The following SYN3 variants were observed in gnomAD, a reference collection of about 807,000 sequenced individuals.
SYN3 encodes synapsin III, also known as synapsin-3.
A neutral mutation model predicts 65.8 loss-of-function variants in SYN3; 35 were observed. The observed-to-expected ratio is 0.53, with a 90% CI of 0.41 to 0.70. The LOEUF (loss-of-function observed/expected upper bound fraction) is 0.70, where lower values mean the gene tolerates loss of function less well. Ranked by LOEUF, SYN3 falls within the 30% of genes least tolerant of loss-of-function variation. The pLI, the probability that SYN3 is intolerant of heterozygous loss-of-function variation, is 0.00. For synonymous variants in SYN3, 270 were observed against 292.9 expected (o/e 0.92, Z 0.80); for missense variants, 680 against 749.0 (o/e 0.91, Z 1.08).
chr22:32,567,358 T>TTTCCTTCC lies in SYN3; in HGVS notation c.775-25653_775-25646dup, dbSNP rs3070481. The stretch of plus-strand genomic sequence containing the variant: ...CCTCCCTCCCTCCCTCCCTCCCTTC[T>TTTCCTTCC]TTCCTTCCTTCCTTCCTTCCTTCAC... On this transcript the variant is annotated intron_variant, in intron 7 of 13. Coordinates refer to ENST00000358763, the MANE Select transcript of SYN3 (RefSeq NM_003490.4). Among the ~76,000 whole-genome samples the TTTCCTTCC allele has an allele frequency of 1.1e-3, 121 of 108,190 alleles. 1 individual carries two copies. In the South Asian group the frequency reaches 0.012, roughly 11 times the overall value. The allele number at this position is 108,190 out of a possible 152,430, so 71.0% of individuals were successfully genotyped here.
intron 6 of SYN3, among the ~76,000 whole-genome samples, chr22:32,745,602 G>C (rs141815773): frequency 6.6e-6 from 1 of 152,178 alleles, no homozygotes; most frequent in Non-Finnish European, 1.5e-5. Context: ...GCCACTGCAC[G>C]GCCCTGGGTT....
At chr22:32,679,048 C>CTTTTTTTTTTTTTT (rs145971116) in intron 6 of SYN3, among the ~76,000 whole-genome samples, 33 of 85,658 alleles carry the variant, frequency 3.9e-4, no homozygotes, top group Non-Finnish European at 4.8e-4. Context: ...TTGTTTCTTT[C>CTTTTTTTTTTTTTT]TTTTTTTTTT....
At chr22:32,596,643 C>A (rs1270765910) in intron 7 of SYN3, 31 bp downstream of exon 7, 3 of 1,611,784 alleles carry the variant, frequency 1.9e-6, no homozygotes, top group Non-Finnish European at 2.5e-6. Flanking sequence ...CTGGGTGTGT[C>A]CACTGTGAGT....
At chr22:32,611,201 C>T (rs1337227687) in intron 6 of SYN3, among the ~76,000 whole-genome samples, 1 of 151,594 alleles carries the variant, frequency 6.6e-6, no homozygotes, top group Admixed American at 6.6e-5. Flanking sequence ...GTCTTGCATC[C>T]TGTGTGAAAC....
At chr22:32,942,286 A>G (rs2050964921) in intron 3 of SYN3, among the ~76,000 whole-genome samples, 1 of 152,204 alleles carries the variant, frequency 6.6e-6, no homozygotes, top group Non-Finnish European at 1.5e-5. Context: ...TTTGCTGTTC[A>G]GCAATATTCG....
At position 33,027,637 on chromosome 22, in the gene SYN3, C is replaced by CAAAGAG. The variant is rs150706198; in HGVS notation, c.-162-20814_-162-20813insCTCTTT. Among the ~76,000 whole-genome samples, 1,022 of 149,734 alleles carry CAAAGAG rather than the reference C, an allele frequency of 6.8e-3. 15 individuals carry two copies. The highest frequency in any genetic ancestry group is 0.024 in the African/African-American group (988 of 40,756). On this transcript the variant is annotated intron_variant, in intron 1 of 13. Transcript: ENST00000358763. ...AAAGAAGGAAAGACAGACAGACAGA[C>CAAAGAG]AGAGAGAGAGAGAGAAAGAAAAGAA...
At chr22:32,942,862 G>C (rs1303320494) in intron 3 of SYN3, among the ~76,000 whole-genome samples, 2 of 152,110 alleles carry the variant, frequency 1.3e-5, no homozygotes, top group Non-Finnish European at 2.9e-5. Flanking sequence ...AAGATCAAAT[G>C]AATGAAATGA....
intron 7 of SYN3, among the ~76,000 whole-genome samples, chr22:32,595,643 C>A (rs1349212856): frequency 6.6e-6 from 1 of 152,156 alleles, no homozygotes; most frequent in African/African-American, 2.4e-5. Flanking sequence ...TGGGTCCCCA[C>A]CCAAATCTCA....
intron 4 of SYN3, among the ~76,000 whole-genome samples, chr22:32,884,431 T>C (rs752365061): frequency 6.6e-6 from 1 of 152,214 alleles, no homozygotes; most frequent in Admixed American, 6.5e-5. Context: ...ATGGTAACAA[T>C]AACATGTACT....
chr22:33,039,005 T>G (rs1315863220), intron 1 of SYN3, among the ~76,000 whole-genome samples: 1 of 152,184 alleles, frequency 6.6e-6, no homozygotes, highest in Non-Finnish European at 1.5e-5. Flanking sequence ...CTTCAAGTCC[T>G]CCAGGGCTCA....
chr22:32,887,552 T>A (rs2049327742), intron 4 of SYN3, among the ~76,000 whole-genome samples: 1 of 152,096 alleles, frequency 6.6e-6, no homozygotes, highest in African/African-American at 2.4e-5. Context: ...CAGATGACAA[T>A]CTTGATGTCA....
chr22:32,879,680 C>T (rs926928953), intron 4 of SYN3, among the ~76,000 whole-genome samples: 1 of 152,228 alleles, frequency 6.6e-6, no homozygotes, highest in African/African-American at 2.4e-5. Flanking sequence ...CTGAGGAACA[C>T]AGGCATTCAG....
At chr22:32,971,636 G>A (rs1366485258) in intron 3 of SYN3, among the ~76,000 whole-genome samples, 1 of 152,170 alleles carries the variant, frequency 6.6e-6, no homozygotes, top group Non-Finnish European at 1.5e-5. Flanking sequence ...CAGAACTCAC[G>A]GGTCACGTAC....
intron 7 of SYN3, among the ~76,000 whole-genome samples, chr22:32,582,128 A>C (rs2058957225): frequency 6.6e-6 from 1 of 152,044 alleles, no homozygotes; most frequent in South Asian, 2.1e-4. Context: ...AGAATCTGGA[A>C]ATCAGGCTTC....
At chr22:32,544,878 G>A (rs2058313643) in intron 7 of SYN3, among the ~76,000 whole-genome samples, 1 of 152,210 alleles carries the variant, frequency 6.6e-6, no homozygotes, top group Non-Finnish European at 1.5e-5. Context: ...TGAGCACAGA[G>A]TGGGCTACCT....
chr22:32,510,835 G>C lies in SYN3; in HGVS notation c.*2857C>G, dbSNP rs373280028. ...AGGCTGGTATTCTGGTTCTTTCATC[G>C]TGTGACTTATACTAGTGATCCCTAT... On this transcript the variant is annotated 3_prime_UTR_variant, in exon 14 of 14. Coordinates refer to ENST00000358763, the MANE Select transcript of SYN3 (RefSeq NM_003490.4). 1.3e-5 allele frequency among the ~76,000 whole-genome samples: 2 copies of C among 152,062 alleles called. No individual in the cohort carries two copies. The highest frequency in any genetic ancestry group is 6.6e-5 in the Admixed American group (1 of 15,266).
At chr22:32,933,296 T>G (rs2050686299) in intron 3 of SYN3, among the ~76,000 whole-genome samples, 1 of 152,204 alleles carries the variant, frequency 6.6e-6, no homozygotes, top group Non-Finnish European at 1.5e-5. Context: ...ACATATGAAT[T>G]CATTTAATCC....
intron 12 of SYN3, among the ~76,000 whole-genome samples, chr22:32,523,097 T>A (rs1000957457): frequency 6.6e-6 from 1 of 152,228 alleles, no homozygotes; most frequent in Non-Finnish European, 1.5e-5. Context: ...ATTTGACAAT[T>A]GTCACAAATT....
intron 6 of SYN3, among the ~76,000 whole-genome samples, chr22:32,786,122 G>T (rs1470082464): frequency 6.6e-6 from 1 of 152,150 alleles, no homozygotes; most frequent in Non-Finnish European, 1.5e-5. Context: ...ATTTAATTGG[G>T]ATATCTCATT....
Sources: gnomAD v4.1 joint callset for allele counts (sites outside exome capture counted in the v4.1 genomes callset) on GRCh38, gnomAD v4.1.1 for gene constraint, MANE v1.5 for transcripts, NCBI Gene and HGNC (gene_info 2026-07-23, HGNC 2026-07-21) for gene names.